PROX1: variants seen among roughly 807,000 people sequenced by gnomAD.
PROX1 encodes prospero homeobox 1.
In PROX1, 7 loss-of-function variants were observed where a neutral mutation model predicts 58.8. The ratio of observed to expected loss-of-function variants is 0.12; its 90% CI spans 0.07 to 0.22. PROX1 has a LOEUF of 0.22. Among genes scored for constraint, PROX1 ranks in the 10% least tolerant of loss-of-function variants. PROX1 has a pLI of 1.00. For synonymous variants in PROX1, 350 were observed against 358.3 expected, an observed-to-expected ratio of 0.98 and a Z score of 0.26; for missense variants, 675 against 927.8, an observed-to-expected ratio of 0.73 and a Z score of 3.54.
rs1351400349 is a variant in PROX1 at position 214,038,403 on chromosome 1, A to AATC, written c.*2571_*2573dup. ...TTTAACAGTTTGATTTTTTTTTTTT[A>AATC]ATCACCATCTTTCAAATCTTAGCTC... On this transcript the variant is annotated 3_prime_UTR_variant, in exon 5 of 5. Transcript: ENST00000366958. 1 of 150,982 alleles carries AATC rather than the reference A, an allele frequency of 6.6e-6. No homozygotes were observed. Among genetic ancestry groups the AATC allele is most frequent in the African/African-American group, 2.4e-5 (1 of 41,126 alleles). The allele number at this position is 150,982 out of a possible 1,614,324, so 9.4% of individuals were successfully genotyped here.
At chr1:214,035,514 G>C (rs773398273) in intron 4 of PROX1, 135 bp from the exon 5 acceptor site, 15 of 775,356 alleles carry the variant, frequency 1.9e-5, no homozygotes, top group Non-Finnish European at 2.6e-5. Flanking sequence ...AAGAATAGAA[G>C]CCAGCTATTT....
At position 213,996,469 on chromosome 1, in the gene PROX1, G is replaced by C; in HGVS notation, c.-67G>C. The C allele has an allele frequency of 6.6e-7, 1 of 1,517,522 alleles. No individual in the cohort carries two copies. The allele number at this position is 1,517,522 out of a possible 1,614,324, so 94.0% of individuals were successfully genotyped here. A position where few individuals can be genotyped will look rare whatever the true frequency, so the allele number is the denominator to read the frequency against. ...TCAGTCCTTTTGTTCTGTTGGCCAGGGTCCCGGGATTCTTGAGCTGTGCCC... is the reference window on the plus strand; with the variant it reads ...TCAGTCCTTTTGTTCTGTTGGCCAGCGTCCCGGGATTCTTGAGCTGTGCCC... On this transcript the variant is annotated splice_region_variant and 5_prime_UTR_variant, in exon 2 of 5. Coordinates refer to ENST00000366958, the MANE Select transcript of PROX1 (RefSeq NM_001270616.2).
At chr1:213,984,196 C>T (rs906520307), upstream of PROX1, 3 of 152,218 alleles carry the variant, frequency 2.0e-5, no homozygotes, top group Middle Eastern at 3.2e-3. Flanking sequence ...ACAACCTCCT[C>T]ATCCCCGCGG....
At chr1:214,009,834 C>T (rs1558177980) in intron 3 of PROX1, among the ~76,000 whole-genome samples, 1 of 152,122 alleles carries the variant, frequency 6.6e-6, no homozygotes, top group East Asian at 1.9e-4. Context: ...AAGCAATTTT[C>T]ATTCCCCAGT....
At chr1:213,984,523 C>CTGCTACT (rs1662776316), upstream of PROX1, 1 of 152,296 alleles carries the variant, frequency 6.6e-6, no homozygotes, top group Non-Finnish European at 1.5e-5. Flanking sequence ...AACGCTGCAG[C>CTGCTACT]TGCTACTTGC....
chr1:214,034,650 G>A (rs1664770955), intron 4 of PROX1, among the ~76,000 whole-genome samples: 1 of 151,954 alleles, frequency 6.6e-6, no homozygotes, highest in African/African-American at 2.4e-5. Context: ...TTAGTCAAGA[G>A]ATCAGATTAA....
chr1:213,992,272 G>T (rs1462184643), intron 1 of PROX1, among the ~76,000 whole-genome samples: 4 of 152,180 alleles, frequency 2.6e-5, no homozygotes, highest in African/African-American at 7.2e-5. Flanking sequence ...ACCTGATAAC[G>T]CAATCTTAGT....
At chr1:214,001,602 G>A (rs1663514383) in intron 2 of PROX1, among the ~76,000 whole-genome samples, 2 of 152,098 alleles carry the variant, frequency 1.3e-5, no homozygotes, top group Admixed American at 1.3e-4. Flanking sequence ...TCAACTTTTA[G>A]GGAGAATGTT....
intron 4 of PROX1, among the ~76,000 whole-genome samples, chr1:214,024,960 C>T (rs1057309987): frequency 8.5e-5 from 13 of 152,170 alleles, no homozygotes; most frequent in Admixed American, 3.9e-4. Context: ...ACCAAATTTA[C>T]GGGGCTGACT....
intron 3 of PROX1, among the ~76,000 whole-genome samples, 164 bp from the exon 4 acceptor site, chr1:214,011,357 G>C (rs1663902723): frequency 1.3e-5 from 2 of 152,136 alleles, no homozygotes; most frequent in Admixed American, 6.5e-5. Context: ...TTTCTTGTAA[G>C]TATATTCTTC....
rs1036966793 is a variant in PROX1, at chr1:214,037,958, A to G, written c.*2124A>G. Reference sequence around the variant, plus strand: ...GTTTTTGCTGTTCCGTGTAATTCATATCAACTTTGTGTTGCCATTTGCAAG... The same window carrying G: ...GTTTTTGCTGTTCCGTGTAATTCATGTCAACTTTGTGTTGCCATTTGCAAG... On this transcript the variant is annotated 3_prime_UTR_variant, in exon 5 of 5. Transcript: ENST00000366958. 3 of 152,220 alleles carry G rather than the reference A, an allele frequency of 2.0e-5. No homozygotes were observed. Among genetic ancestry groups the G allele is most frequent in the Admixed American group, 6.5e-5 (1 of 15,282 alleles). 9.4% of individuals were successfully genotyped at this position (152,220 alleles called of 1,614,324 possible). A position where few individuals can be genotyped will look rare whatever the true frequency, so the allele number is the denominator to read the frequency against.
chr1:214,004,525 C>T (rs970389798), intron 2 of PROX1, among the ~76,000 whole-genome samples: 1 of 152,128 alleles, frequency 6.6e-6, no homozygotes, highest in African/African-American at 2.4e-5. Flanking sequence ...GCAACAGCCC[C>T]CTCCCTGTCC....
chr1:214,035,193 G>A (rs950246182), intron 4 of PROX1, among the ~76,000 whole-genome samples: 1 of 152,038 alleles, frequency 6.6e-6, no homozygotes, highest in Non-Finnish European at 1.5e-5. Flanking sequence ...TTCATTTAAA[G>A]CTTGGGTTTA....
chr1:214,032,105 C>T (rs1174575785), intron 4 of PROX1, among the ~76,000 whole-genome samples: 10 of 152,150 alleles, frequency 6.6e-5, no homozygotes, highest in African/African-American at 2.4e-4. Flanking sequence ...ATCTTTTATA[C>T]CATTTCCATT....
rs1324565898 is a variant in PROX1 at position 214,035,923 on chromosome 1, A to G, written c.*89A>G. On this transcript the variant is annotated 3_prime_UTR_variant, in exon 5 of 5. Coordinates refer to ENST00000366958, the MANE Select transcript of PROX1 (RefSeq NM_001270616.2). ...ATGTGTCTAGATTTTGATTTCATAT[A>G]TATGTGTATGGGAGGCATGGATATG... 4 of 1,177,464 alleles carry G rather than the reference A, an allele frequency of 3.4e-6. No homozygotes were observed. The highest frequency in any genetic ancestry group is 4.7e-6 in the Non-Finnish European group (4 of 847,336). The allele number at this position is 1,177,464 out of a possible 1,614,324, so 72.9% of individuals were successfully genotyped here. A position where few individuals can be genotyped will look rare whatever the true frequency, so the allele number is the denominator to read the frequency against.
At chr1:213,993,293 T>C (rs1310140168) in intron 1 of PROX1, among the ~76,000 whole-genome samples, 2 of 152,206 alleles carry the variant, frequency 1.3e-5, no homozygotes, top group Non-Finnish European at 2.9e-5. Context: ...CCACCAGTGT[T>C]GATCAAAAGC....
chr1:214,020,663 T>C (rs1283975290), intron 4 of PROX1, among the ~76,000 whole-genome samples: 1 of 152,258 alleles, frequency 6.6e-6, no homozygotes, highest in Non-Finnish European at 1.5e-5. Context: ...TAAATTTGAA[T>C]TAATTGATCT....
chr1:214,035,103 T>C (rs1164781735), intron 4 of PROX1, among the ~76,000 whole-genome samples: 1 of 152,220 alleles, frequency 6.6e-6, no homozygotes, highest in African/African-American at 2.4e-5. Flanking sequence ...ATACTTTATA[T>C]TGCAGATTAA....
chr1:214,013,626 CA>C (rs1663995562), intron 4 of PROX1, among the ~76,000 whole-genome samples: 1 of 152,126 alleles, frequency 6.6e-6, no homozygotes, highest in African/African-American at 2.4e-5. Context: ...ACCCACAGGC[CA>C]GGGGCCAAAA....
Sources: gnomAD v4.1 joint callset for allele counts (sites outside exome capture counted in the v4.1 genomes callset) on GRCh38, gnomAD v4.1.1 for gene constraint, MANE v1.5 for transcripts, NCBI Gene and HGNC (gene_info 2026-07-23, HGNC 2026-07-21) for gene names.